Variants in DDX25 observed in about 807,000 individuals in gnomAD.
DDX25 encodes ATP-dependent RNA helicase DDX25.
A neutral mutation model predicts 64.6 loss-of-function variants in DDX25; 70 were observed. That is an observed-to-expected ratio of 1.08 (90% confidence interval 0.89 to 1.32). The LOEUF is 1.32. Among genes scored for constraint, DDX25 ranks in the 40% most tolerant of loss-of-function variants. The pLI is 0.00. For synonymous variants in DDX25, 211 were observed against 213.3 expected (o/e 0.99, Z 0.09); for missense variants, 587 against 604.4 (o/e 0.97, Z 0.30).
At chr11:125,916,802 A>G (rs1021562054) in intron 8 of DDX25, among the ~76,000 whole-genome samples, 3 of 152,102 alleles carry the variant, frequency 2.0e-5, no homozygotes, top group African/African-American at 4.8e-5. Flanking sequence ...ACTTTGCCCT[A>G]TGCTTCACAT....
rs1390583276 is a variant in DDX25 at position 125,925,208 on chromosome 11, C to T, written c.*2327C>T. 2.9e-6 allele frequency: 1 copy of T among 345,596 alleles called. No individual in the cohort carries two copies. The highest frequency in any genetic ancestry group is 2.1e-5 in the African/African-American group (1 of 46,634). 21.4% of individuals were successfully genotyped at this position (345,596 alleles called of 1,614,324 possible). A position where few individuals can be genotyped will look rare whatever the true frequency, so the allele number is the denominator to read the frequency against. ...TCCTAAATAAAACTTTACCACTTTC[C>T]TTTACAGTTCAAATCTCTGGTAAGA... On this transcript the variant is annotated 3_prime_UTR_variant, in exon 12 of 12. Coordinates refer to ENST00000263576, the MANE Select transcript of DDX25 (RefSeq NM_013264.5).
chr11:125,913,031 G>T (rs929631412), intron 8 of DDX25, among the ~76,000 whole-genome samples: 2 of 151,672 alleles, frequency 1.3e-5, no homozygotes, highest in South Asian at 2.1e-4. Flanking sequence ...GGTGGCAGAC[G>T]CCTGTAGTCC....
chr11:125,918,260 C>A (rs759793663), intron 9 of DDX25, among the ~76,000 whole-genome samples: 1 of 152,174 alleles, frequency 6.6e-6, no homozygotes, highest in Admixed American at 6.5e-5. Flanking sequence ...CCATAATGCA[C>A]ATAAAGATTT....
rs887777874 is a variant in DDX25 at position 125,925,588 on chromosome 11, A to G, written c.*2707A>G. 2 of 405,804 alleles carry G rather than the reference A, an allele frequency of 4.9e-6. No homozygotes were observed. Among genetic ancestry groups the G allele is most frequent in the Middle Eastern group, 3.5e-4 (1 of 2,838 alleles). The allele number at this position is 405,804 out of a possible 1,614,324, so 25.1% of individuals were successfully genotyped here. On this transcript the variant is annotated 3_prime_UTR_variant, in exon 12 of 12. Coordinates refer to ENST00000263576, the MANE Select transcript of DDX25 (RefSeq NM_013264.5). ...GGAAACACCAGGTGATTTCAGTGCA[A>G]CTGTGAGCTGGGTTCATCAGCTGTA...
At position 125,922,994 on chromosome 11, in the gene DDX25, G is replaced by A; in HGVS notation, c.*113G>A. Reference sequence around the variant, plus strand: ...TTTTCGACGTGAAACTGTCACAGATGGCAAAATAAATGTCACGGTACTTAG... The same window carrying A: ...TTTTCGACGTGAAACTGTCACAGATAGCAAAATAAATGTCACGGTACTTAG... On this transcript the variant is annotated 3_prime_UTR_variant, in exon 12 of 12. Coordinates refer to ENST00000263576, the MANE Select transcript of DDX25 (RefSeq NM_013264.5). 2 of 919,322 alleles carry A rather than the reference G, an allele frequency of 2.2e-6. No individual in the cohort carries two copies. The highest frequency in any genetic ancestry group is 2.8e-5 in the Admixed American group (1 of 35,766). The allele number at this position is 919,322 out of a possible 1,614,324, so 56.9% of individuals were successfully genotyped here. A position where few individuals can be genotyped will look rare whatever the true frequency, so the allele number is the denominator to read the frequency against.
At chr11:125,917,383 C>G in intron 9 of DDX25, 132 bp downstream of exon 9, 2 of 782,636 alleles carry the variant, frequency 2.6e-6, no homozygotes, top group South Asian at 3.6e-5. Context: ...ATCTTCAGAA[C>G]AGCTCTAAAC....
At chr11:125,913,632 T>C (rs1315296917) in intron 8 of DDX25, among the ~76,000 whole-genome samples, 1 of 152,166 alleles carries the variant, frequency 6.6e-6, no homozygotes, top group Non-Finnish European at 1.5e-5. Context: ...ACCTTTTTTT[T>C]TTCTCTCGCG....
chr11:125,914,675 G>A (rs1403879335), intron 8 of DDX25, among the ~76,000 whole-genome samples: 2 of 152,178 alleles, frequency 1.3e-5, no homozygotes, highest in Non-Finnish European at 2.9e-5. Flanking sequence ...CAATAAGTTG[G>A]TTTGTTTTAT....
Position 125,911,444 on chromosome 11 carries a change from G to T in DDX25, c.756G>T (p.Met252Ile). 3 of 1,613,914 alleles carry T rather than the reference G, an allele frequency of 1.9e-6. No individual in the cohort carries two copies. Among genetic ancestry groups the T allele is most frequent in the Non-Finnish European group, 8.5e-7 (1 of 1,179,862 alleles). Reference protein sequence around the residue: ...RVFVLDEADVMIDTQGFSDHS... With the variant: ...RVFVLDEADVIIDTQGFSDHS... ...TTGTCCTGGATGAAGCAGATGTGAT[G>T]ATTGACACTCAAGGATTCTCAGATC... The change falls in exon 8 of 12, where the codon ATG becomes ATT. Residue 252 changes from methionine (M) to isoleucine (I), a missense_variant. Met to Ile is a conservative substitution (Grantham distance 10). Transcript: ENST00000263576.
rs1205446992 is a variant in DDX25 at position 125,906,202 on chromosome 11, C to G, written c.304C>G (p.Leu102Val). 6.5e-7 allele frequency: 1 copy of G among 1,535,304 alleles called. No individual in the cohort carries two copies. Among genetic ancestry groups the G allele is most frequent in the Non-Finnish European group, 8.8e-7 (1 of 1,142,672 alleles). ...TTACTCAGTAAAGACATTTGAAGAGCTGCGGCTGTGAGTATTTTTACTCTT... is the reference window on the plus strand; with the variant it reads ...TTACTCAGTAAAGACATTTGAAGAGGTGCGGCTGTGAGTATTTTTACTCTT... ...PLYSVKTFEE[L>V]RLKEELLKGI... is the part of the protein sequence containing the mutation. The change falls in exon 4 of 12, where the codon CTG becomes GTG. Residue 102 changes from leucine (L) to valine (V), a missense_variant. Coordinates refer to ENST00000263576, the MANE Select transcript of DDX25 (RefSeq NM_013264.5).
Position 125,924,465 on chromosome 11 carries a change from G to A in DDX25, c.*1584G>A, listed in dbSNP as rs1591523412. ...GGGCCCAGATCACTAGTGTAGCACA[G>A]AGGAGGGACCCTAACACCATCTAGG... On this transcript the variant is annotated 3_prime_UTR_variant, in exon 12 of 12. Transcript: ENST00000263576. 6.6e-6 allele frequency: 1 copy of A among 152,270 alleles called. No individual in the cohort carries two copies. Among genetic ancestry groups the A allele is most frequent in the Admixed American group, 6.5e-5 (1 of 15,280 alleles). 9.4% of individuals were successfully genotyped at this position (152,270 alleles called of 1,614,324 possible). A position where few individuals can be genotyped will look rare whatever the true frequency, so the allele number is the denominator to read the frequency against.
At position 125,921,270 on chromosome 11, in the gene DDX25, C is replaced by CT; in HGVS notation, c.1282dup (p.Tyr428LeufsTer22). 6.2e-7 allele frequency: 1 copy of CT among 1,613,424 alleles called. No individual in the cohort carries two copies. The highest frequency in any genetic ancestry group is 1.1e-5 in the South Asian group (1 of 90,956). On this transcript the variant is annotated frameshift_variant, in exon 11 of 12. Coordinates refer to ENST00000263576, the MANE Select transcript of DDX25 (RefSeq NM_013264.5). LOFTEE classifies it high-confidence loss of function. The surrounding 1 kb of genome is among the most constrained non-coding windows in gnomAD (Gnocchi z 4.1). ...AAGGAGAGGAGCCGGACTATGAGAC[C>CT]TACCTCCACCGCATAGGGCGGACGG...
intron 8 of DDX25, among the ~76,000 whole-genome samples, chr11:125,915,559 G>A (rs592523): frequency 2.0e-5 from 3 of 152,178 alleles, no homozygotes; most frequent in East Asian, 1.9e-4. Flanking sequence ...AGCTTCAAAC[G>A]AGACTACTTC....
intron 8 of DDX25, 98 bp downstream of exon 8, chr11:125,911,586 A>G: frequency 8.5e-7 from 1 of 1,171,686 alleles, no homozygotes. Context: ...TTAACTCCTC[A>G]CCACCTTCAC....
At position 125,907,979 on chromosome 11, in the gene DDX25, G is replaced by A. The variant is rs572165952; in HGVS notation, c.312-217G>A. Among the ~76,000 whole-genome samples, 7 of 152,228 alleles carry A rather than the reference G, an allele frequency of 4.6e-5. No homozygotes were observed. In the East Asian group the frequency reaches 1.2e-3, roughly 25 times the overall value. On this transcript the variant is annotated intron_variant, in intron 4 of 11. Transcript: ENST00000263576. The stretch of plus-strand genomic sequence containing the variant: ...CTTAAGGCCTTTACCACTGTCCTTC[G>A]CCTAGGCTTATGGCGTAGCTTATTA...
At chr11:125,903,530 GAGACAA>G (rs1395217153), upstream of DDX25, 2 of 152,144 alleles carry the variant, frequency 1.3e-5, no homozygotes, top group Non-Finnish European at 2.9e-5. Flanking sequence ...TTACCATTGA[GAGACAA>G]AAACATTTAC....
intron 6 of DDX25, among the ~76,000 whole-genome samples, chr11:125,909,615 T>TCTA (rs1419668181): frequency 6.6e-6 from 1 of 151,764 alleles, no homozygotes; most frequent in East Asian, 1.9e-4. Context: ...TATAAACAGA[T>TCTA]TGGATCAAGC....
At chr11:125,922,644 G>C in intron 11 of DDX25, 176 bp from the exon 12 acceptor site, 2 of 524,270 alleles carry the variant, frequency 3.8e-6, no homozygotes, top group Non-Finnish European at 6.7e-6. Flanking sequence ...CCATGGTCTG[G>C]TGCATTTGAT....
rs1156638562 is a variant in DDX25 at position 125,908,296 on chromosome 11, T to A, written c.404+8T>A. On this transcript the variant is annotated splice_region_variant and intron_variant, in intron 5 of 11. Transcript: ENST00000263576. Reference sequence around the variant, plus strand: ...TATGATGCTGGCACATCCGTGAGTTTCCAGGGTAGTGGTATTCTACTTGGT... The same window carrying A: ...TATGATGCTGGCACATCCGTGAGTTACCAGGGTAGTGGTATTCTACTTGGT... The A allele has an allele frequency of 6.2e-7, 1 of 1,613,708 alleles. No homozygotes were observed. Among genetic ancestry groups the A allele is most frequent in the Admixed American group, 1.7e-5 (1 of 59,970 alleles).
Sources: gnomAD v4.1 joint callset for allele counts (sites outside exome capture counted in the v4.1 genomes callset) on GRCh38, gnomAD v4.1.1 for gene constraint, Gnocchi (gnomAD v3.1) non-coding constraint, MANE v1.5 for transcripts, NCBI Gene and HGNC (gene_info 2026-07-23, HGNC 2026-07-21) for gene names.